The following VPS37A variants were observed in gnomAD, a reference collection of about 807,000 sequenced individuals.
VPS37A encodes the protein VPS37A subunit of ESCRT-I.
In VPS37A, 30 loss-of-function variants were observed where a neutral mutation model predicts 49.8. That is an observed-to-expected ratio of 0.60 (90% confidence interval 0.45 to 0.82). The LOEUF (loss-of-function observed/expected upper bound fraction) is 0.82, where lower values mean the gene tolerates loss of function less well. Among genes scored for constraint, VPS37A ranks in the 40% least tolerant of loss-of-function variants. The pLI, the probability that VPS37A is intolerant of heterozygous loss-of-function variation, is 0.00. For synonymous variants in VPS37A, 195 were observed against 160.6 expected (o/e 1.21, Z -1.62); for missense variants, 593 against 464.4 (o/e 1.28, Z -2.55).
intron 1 of VPS37A, among the ~76,000 whole-genome samples, chr8:17,259,198 A>G (rs944055466): frequency 1.2e-4 from 18 of 151,800 alleles, no homozygotes; most frequent in African/African-American, 4.4e-4. Flanking sequence ...TACTTTTTTG[A>G]TACAGTCATT....
At chr8:17,306,948 CT>C (rs1296955329), downstream of VPS37A, among the ~76,000 whole-genome samples, 2 of 152,084 alleles carry the variant, frequency 1.3e-5, no homozygotes, top group Non-Finnish European at 2.9e-5. Context: ...AGAAGAAAAC[CT>C]AGGCAATACC....
the VPS37A span, among the ~76,000 whole-genome samples, chr8:17,320,434 A>T: frequency 1.3e-5 from 2 of 152,128 alleles, no homozygotes; most frequent in Non-Finnish European, 2.9e-5. Context: ...CAACAAGGCA[A>T]TTGGGAAGGG....
At chr8:17,257,140 A>G (rs1192130427) in intron 1 of VPS37A, among the ~76,000 whole-genome samples, 1 of 152,142 alleles carries the variant, frequency 6.6e-6, no homozygotes, top group Non-Finnish European at 1.5e-5. Flanking sequence ...ATTCTTCAGC[A>G]TATAGTTACC....
At chr8:17,267,514 C>G (rs980705082) in intron 2 of VPS37A, among the ~76,000 whole-genome samples, 2 of 151,770 alleles carry the variant, frequency 1.3e-5, no homozygotes, top group Admixed American at 6.6e-5. Context: ...TTACGTGAAA[C>G]CATGTGATTG....
intron 1 of VPS37A, among the ~76,000 whole-genome samples, chr8:17,258,617 A>G (rs998975340): frequency 3.7e-4 from 56 of 151,712 alleles, no homozygotes; most frequent in African/African-American, 1.3e-3. Context: ...TCTTGTTTCT[A>G]TGGGTGATGC....
downstream of VPS37A, among the ~76,000 whole-genome samples, chr8:17,303,133 G>A (rs73210203): frequency 0.079 from 11,984 of 152,218 alleles, 635 homozygotes; most frequent in South Asian, 0.2. Context: ...TACTTTGAGG[G>A]CAAGGACTTG....
At chr8:17,278,422 A>C (rs1469624150) in intron 6 of VPS37A, among the ~76,000 whole-genome samples, 3 of 152,136 alleles carry the variant, frequency 2.0e-5, no homozygotes, top group East Asian at 3.8e-4. Flanking sequence ...TACTTCATAC[A>C]GGACCAAGAA....
Position 17,268,248 on chromosome 8 carries a change from C to T in VPS37A, c.201-10C>T, listed in dbSNP as rs371550390. ...TTGTTTTTGTTTTTCATCTGTTCTA[C>T]CTCTACCAGATTGCTTCCTCCACAG... On this transcript the variant is annotated splice_polypyrimidine_tract_variant and intron_variant, in intron 2 of 11. Transcript: ENST00000324849. 16 of 1,587,000 alleles carry T rather than the reference C, an allele frequency of 1.0e-5. No homozygotes were observed. The African/African-American group carries it at 1.3e-4, about 13-fold the overall frequency.
intron 11 of VPS37A, among the ~76,000 whole-genome samples, chr8:17,291,239 C>G (rs1037870045): frequency 2.6e-5 from 4 of 152,182 alleles, no homozygotes; most frequent in Non-Finnish European, 5.9e-5. Context: ...TCTTGAACTC[C>G]TGACCTCAGG....
intron 11 of VPS37A, among the ~76,000 whole-genome samples, chr8:17,289,627 G>C (rs1815951573): frequency 6.6e-6 from 1 of 152,148 alleles, no homozygotes; most frequent in South Asian, 2.1e-4. Context: ...TTGAAGTCAG[G>C]TAGCATGATG....
intron 1 of VPS37A, among the ~76,000 whole-genome samples, chr8:17,263,038 T>A (rs1813104936): frequency 6.8e-6 from 1 of 146,892 alleles, no homozygotes; most frequent in African/African-American, 2.5e-5. Flanking sequence ...TCCAGCCTGA[T>A]GACTGAGTGA....
At chr8:17,317,128 A>G in the VPS37A span, among the ~76,000 whole-genome samples, 4 of 151,992 alleles carry the variant, frequency 2.6e-5, no homozygotes, top group Non-Finnish European at 5.9e-5. Flanking sequence ...GCTTGCTTAT[A>G]TGTGTGTGTG....
At chr8:17,313,830 C>T in the VPS37A span, among the ~76,000 whole-genome samples, 1 of 152,178 alleles carries the variant, frequency 6.6e-6, no homozygotes, top group East Asian at 1.9e-4. Context: ...GTCACCCAAC[C>T]ACTTCAGATT....
the VPS37A span, among the ~76,000 whole-genome samples, chr8:17,332,677 T>C: frequency 6.6e-6 from 1 of 152,186 alleles, no homozygotes; most frequent in African/African-American, 2.4e-5. Context: ...TGCACCATTG[T>C]AAAAAGCCAC....
intron 11 of VPS37A, among the ~76,000 whole-genome samples, chr8:17,289,074 A>G (rs1304798804): frequency 6.6e-6 from 1 of 151,732 alleles, no homozygotes; most frequent in East Asian, 1.9e-4. Context: ...TTTTCTTGTA[A>G]ATTTAAGTTC....
At chr8:17,306,702 G>C (rs1369512487), downstream of VPS37A, among the ~76,000 whole-genome samples, 4 of 152,146 alleles carry the variant, frequency 2.6e-5, no homozygotes, top group East Asian at 7.7e-4. Context: ...ATCACCTTGA[G>C]GAAGAGGAAT....
chr8:17,316,471 A>G, the VPS37A span, among the ~76,000 whole-genome samples: 6 of 151,818 alleles, frequency 4.0e-5, no homozygotes, highest in Non-Finnish European at 7.4e-5. Context: ...CAGTAAAAAA[A>G]AAAAAAAACC....
chr8:17,301,951 A>T, downstream of VPS37A: 1 of 564,548 alleles, frequency 1.8e-6, no homozygotes, highest in Non-Finnish European at 2.9e-6. Context: ...TGAGCCACAA[A>T]CCAGATGTGT....
At chr8:17,314,125 C>T in the VPS37A span, among the ~76,000 whole-genome samples, 1 of 152,110 alleles carries the variant, frequency 6.6e-6, no homozygotes, top group Non-Finnish European at 1.5e-5. Context: ...TCAGGAGCTT[C>T]TTTTATTTAA....
Sources: allele counts gnomAD v4.1 joint callset (sites outside exome capture counted in the v4.1 genomes callset), GRCh38; gene constraint gnomAD v4.1.1; transcripts MANE v1.5; gene names NCBI Gene and HGNC (gene_info 2026-07-23, HGNC 2026-07-21).